The following DLG2 variants were observed in gnomAD, a reference collection of about 807,000 sequenced individuals.
The protein encoded by DLG2 is discs large MAGUK scaffold protein 2.
DLG2 carries 45 observed loss-of-function variants against 132.5 expected under a neutral mutation model. That is an observed-to-expected ratio of 0.34 (90% confidence interval 0.27 to 0.44). DLG2 has a LOEUF of 0.44. Among genes scored for constraint, DLG2 ranks in the 20% least tolerant of loss-of-function variants. The pLI, the probability that DLG2 is intolerant of heterozygous loss-of-function variation, is 1.00. For missense variants in DLG2, 1,045 were observed against 1,196.9 expected, an observed-to-expected ratio of 0.87 and a Z score of 1.87; for synonymous variants, 424 against 419.6, an observed-to-expected ratio of 1.01 and a Z score of -0.13.
At chr11:85,431,310 T>C (rs996377040) in intron 3 of DLG2, among the ~76,000 whole-genome samples, 1 of 151,916 alleles carries the variant, frequency 6.6e-6, no homozygotes, top group Non-Finnish European at 1.5e-5. Flanking sequence ...GAGAGCCACA[T>C]GGGACAGGGG....
chr11:83,805,205 G>C (rs569969261), intron 17 of DLG2, among the ~76,000 whole-genome samples: 1 of 151,956 alleles, frequency 6.6e-6, no homozygotes, highest in Non-Finnish European at 1.5e-5. Context: ...CCTTTTTCCA[G>C]TCAACTTTAA....
chr11:83,593,355 G>C (rs1328018371), intron 19 of DLG2, among the ~76,000 whole-genome samples: 1 of 151,250 alleles, frequency 6.6e-6, no homozygotes, highest in African/African-American at 2.4e-5. Context: ...GGACATGGAT[G>C]AAATTGGAAA....
chr11:85,381,011 A>G (rs933079347), intron 3 of DLG2, among the ~76,000 whole-genome samples: 2 of 152,196 alleles, frequency 1.3e-5, no homozygotes, highest in African/African-American at 4.8e-5. Context: ...TATTTCCCAG[A>G]AAAACTTAGG....
intron 6 of DLG2, chr11:85,021,005 CA>C: frequency 2.6e-6 from 2 of 775,132 alleles, no homozygotes; most frequent in Non-Finnish European, 4.8e-6. Context: ...ACTTATTATT[CA>C]TATCTACTGC....
chr11:85,623,432 G>C (rs918520505), intron 2 of DLG2, among the ~76,000 whole-genome samples: 1 of 151,998 alleles, frequency 6.6e-6, no homozygotes, highest in Non-Finnish European at 1.5e-5. Flanking sequence ...AGCCTCCCAA[G>C]TAGCTGGGAT....
chr11:83,657,896 C>T (rs1007222779), intron 18 of DLG2, among the ~76,000 whole-genome samples: 3 of 152,126 alleles, frequency 2.0e-5, no homozygotes, highest in Non-Finnish European at 4.4e-5. Context: ...CAAGAGAACA[C>T]CAATAGTTGC....
At chr11:85,437,958 G>A (rs751274815) in intron 3 of DLG2, among the ~76,000 whole-genome samples, 1 of 152,152 alleles carries the variant, frequency 6.6e-6, no homozygotes, top group Non-Finnish European at 1.5e-5. Flanking sequence ...ACCTGATGCT[G>A]AGTAATTTAT....
At chr11:85,114,388 C>A (rs895060169) in intron 5 of DLG2, among the ~76,000 whole-genome samples, 1 of 151,986 alleles carries the variant, frequency 6.6e-6, no homozygotes, top group African/African-American at 2.4e-5. Context: ...CAAGGGAGAA[C>A]CTAGCTCTCT....
chr11:84,573,440 A>G (rs2099490701), intron 6 of DLG2, among the ~76,000 whole-genome samples: 1 of 152,194 alleles, frequency 6.6e-6, no homozygotes, highest in African/African-American at 2.4e-5. Flanking sequence ...ATTAGGAATC[A>G]CTGTATACAT....
chr11:84,533,384 A>G (rs989133231), intron 7 of DLG2, among the ~76,000 whole-genome samples: 1 of 152,220 alleles, frequency 6.6e-6, no homozygotes, highest in Non-Finnish European at 1.5e-5. Context: ...TCATCCAAAT[A>G]CTTGCAAAGA....
rs542476924 is a variant in DLG2, at chr11:84,243,017, C to CTCTCTCTCTCTATA, written c.573+8220_573+8221insTATAGAGAGAGAGA. ...GTTCTCTCTCTCTCTCTCTCTCTCTCTATATATATATATATATATATACAC... is the reference window on the plus strand; with the variant it reads ...GTTCTCTCTCTCTCTCTCTCTCTCTCTCTCTCTCTCTATATATATATATATATATATATATACAC... On this transcript the variant is annotated intron_variant, in intron 8 of 27. Transcript: ENST00000376104. Among the ~76,000 whole-genome samples, 804 of 142,144 alleles carry CTCTCTCTCTCTATA rather than the reference C, an allele frequency of 5.7e-3. 2 individuals are homozygous for CTCTCTCTCTCTATA. The highest frequency in any genetic ancestry group is 0.012 in the South Asian group (54 of 4,338). The allele number at this position is 142,144 out of a possible 152,430, so 93.3% of individuals were successfully genotyped here. A position where few individuals can be genotyped will look rare whatever the true frequency, so the allele number is the denominator to read the frequency against.
chr11:84,213,462 T>C (rs1410240831), intron 8 of DLG2, among the ~76,000 whole-genome samples: 3 of 152,140 alleles, frequency 2.0e-5, no homozygotes, highest in East Asian at 1.9e-4. Flanking sequence ...ACTAGTAGCA[T>C]TGGCATTACC....
At chr11:84,939,292 T>A (rs1033260694) in intron 6 of DLG2, among the ~76,000 whole-genome samples, 1 of 152,140 alleles carries the variant, frequency 6.6e-6, no homozygotes, top group Non-Finnish European at 1.5e-5. Flanking sequence ...ACTAGGTATA[T>A]CAATTTATGG....
intron 6 of DLG2, among the ~76,000 whole-genome samples, chr11:84,618,530 T>C (rs2099608491): frequency 6.6e-6 from 1 of 151,910 alleles, no homozygotes; most frequent in Admixed American, 6.6e-5. Context: ...TGTAGCAAAA[T>C]GAAAGCCAGC....
chr11:83,697,237 G>A lies in DLG2; in HGVS notation c.1826-63912C>T, dbSNP rs1057485967. On this transcript the variant is annotated intron_variant, in intron 18 of 27. Transcript: ENST00000376104. ...GTAGGTGCTCAATAAATGATCAACT[G>A]AAGTGAACAATATTAAATTTGCTAC... Among the ~76,000 whole-genome samples the A allele has an allele frequency of 2.6e-5, 4 of 152,298 alleles. 1 individual carries two copies. The highest frequency in any genetic ancestry group is 1.3e-4 in the Admixed American group (2 of 15,296).
intron 3 of DLG2, among the ~76,000 whole-genome samples, chr11:85,555,563 C>T (rs192684632): frequency 1.8e-4 from 27 of 151,988 alleles, no homozygotes; most frequent in African/African-American, 5.3e-4. Context: ...CCTCCAAGTA[C>T]GAGGAGGGAC....
intron 14 of DLG2, among the ~76,000 whole-genome samples, chr11:83,945,934 GTCCTTCCT>G (rs760832594): frequency 7.4e-6 from 1 of 136,026 alleles, no homozygotes; most frequent in Non-Finnish European, 1.6e-5. Flanking sequence ...CCTTCCTTCC[GTCCTTCCT>G]TCCTTCCTTC....
At chr11:84,546,616 G>A in intron 6 of DLG2, 1 of 512,774 alleles carries the variant, frequency 2.0e-6, no homozygotes, top group Non-Finnish European at 3.8e-6. Context: ...CATACCTCAT[G>A]TAGCATGGCA....
intron 21 of DLG2, among the ~76,000 whole-genome samples, chr11:83,498,822 A>G (rs187738292): frequency 2.0e-5 from 3 of 151,616 alleles, no homozygotes; most frequent in African/African-American, 7.3e-5. Flanking sequence ...CCTTAGCTAG[A>G]CTGACCAAGA....
Sources: gnomAD v4.1 joint callset for allele counts (sites outside exome capture counted in the v4.1 genomes callset) on GRCh38, gnomAD v4.1.1 for gene constraint, MANE v1.5 for transcripts, NCBI Gene and HGNC (gene_info 2026-07-23, HGNC 2026-07-21) for gene names.